The following TMEM132C variants were observed in gnomAD, a reference collection of about 807,000 sequenced individuals.
The protein encoded by TMEM132C is protein phosphatase 1, regulatory subunit 152.
Under a neutral mutation model 61.4 loss-of-function variants are expected in TMEM132C, and 29 were observed. The ratio of observed to expected loss-of-function variants is 0.47; its 90% confidence interval spans 0.35 to 0.64. The LOEUF is 0.64. Among genes scored for constraint, TMEM132C ranks in the 30% least tolerant of loss-of-function variants. The pLI is 0.00. For missense variants in TMEM132C, 1,408 were observed against 1,476.9 expected (o/e 0.95, Z 0.76); for synonymous variants, 656 against 633.1 (o/e 1.04, Z -0.54).
At chr12:128,603,936 G>T (rs907445348) in intron 3 of TMEM132C, among the ~76,000 whole-genome samples, 2 of 152,206 alleles carry the variant, frequency 1.3e-5, no homozygotes, top group African/African-American at 4.8e-5. Flanking sequence ...AACCCCACTT[G>T]TGGTTGGGCC....
At chr12:128,624,883 C>T (rs574842049) in intron 4 of TMEM132C, among the ~76,000 whole-genome samples, 109 of 152,128 alleles carry the variant, frequency 7.2e-4, no homozygotes, top group Non-Finnish European at 1.3e-3. Flanking sequence ...CATAGAGCCC[C>T]GTAAACCCAG....
intron 2 of TMEM132C, among the ~76,000 whole-genome samples, chr12:128,532,685 G>C (rs998063265): frequency 2.2e-5 from 3 of 138,824 alleles, no homozygotes; most frequent in Admixed American, 1.5e-4. Context: ...AGCCAAATTA[G>C]AGAAACATAT....
intron 8 of TMEM132C, 93 bp downstream of exon 8, chr12:128,697,508 A>C: frequency 7.7e-7 from 1 of 1,291,392 alleles, no homozygotes; most frequent in African/African-American, 1.5e-5. Context: ...AAATGGGGGC[A>C]GGTTAGCAGA....
rs192447552 is a variant in TMEM132C at position 128,577,623 on chromosome 12, C to T, written c.1121+33520C>T. ...CATCAAGGGATTGAACTGTGCCTCT[C>T]GCCACCGGTGCACTCTGCTTTTATT... is the stretch of plus-strand genomic sequence containing the variant. On this transcript the variant is annotated intron_variant, in intron 3 of 8. Coordinates refer to ENST00000435159, the MANE Select transcript of TMEM132C (RefSeq NM_001136103.3). Among the ~76,000 whole-genome samples the T allele has an allele frequency of 4.6e-5, 7 of 152,346 alleles. No homozygotes were observed. The East Asian group carries it at 1.2e-3, about 25-fold the overall frequency.
chr12:128,554,760 C>T (rs752324351), intron 3 of TMEM132C, among the ~76,000 whole-genome samples: 3 of 152,180 alleles, frequency 2.0e-5, no homozygotes, highest in African/African-American at 4.8e-5. Flanking sequence ...CAGAGCACAT[C>T]GCACAGACGC....
chr12:128,329,204 C>T (rs1046662426), intron 1 of TMEM132C, among the ~76,000 whole-genome samples: 16 of 152,236 alleles, frequency 1.1e-4, no homozygotes, highest in Admixed American at 1.3e-4. Flanking sequence ...TCTTAAAGAC[C>T]GCAATACGGT....
rs1875394362 is a variant in TMEM132C, at chr12:128,582,789, A to G, written c.1122-33363A>G. On this transcript the variant is annotated intron_variant, in intron 3 of 8. Transcript: ENST00000435159. Reference sequence around the variant, plus strand: ...TCCCAGTCTCAGGTATGTCTTTATCAGCAGCATGAAAACAGACTGATATAC... The same window carrying G: ...TCCCAGTCTCAGGTATGTCTTTATCGGCAGCATGAAAACAGACTGATATAC... 2.6e-5 allele frequency among the ~76,000 whole-genome samples: 4 copies of G among 152,164 alleles called. No homozygotes were observed. The South Asian group carries it at 8.3e-4, about 32-fold the overall frequency.
intron 1 of TMEM132C, among the ~76,000 whole-genome samples, chr12:128,336,292 A>G (rs534038264): frequency 7.2e-4 from 110 of 152,352 alleles, no homozygotes; most frequent in African/African-American, 2.5e-3. Flanking sequence ...GCGTATATAA[A>G]GAGATGCTTT....
At chr12:128,501,399 A>T (rs948287564) in intron 2 of TMEM132C, among the ~76,000 whole-genome samples, 1 of 152,202 alleles carries the variant, frequency 6.6e-6, no homozygotes, top group Non-Finnish European at 1.5e-5. Context: ...CTGCATCCCT[A>T]TGTGACTCAG....
At position 128,480,577 on chromosome 12, in the gene TMEM132C, C is replaced by T. The variant is rs555944334; in HGVS notation, c.975-63380C>T. 1.5e-3 allele frequency among the ~76,000 whole-genome samples: 227 copies of T among 152,304 alleles called. 1 individual carries two copies. Among genetic ancestry groups the T allele is most frequent in the African/African-American group, 4.8e-3 (201 of 41,570 alleles). Reference sequence around the variant, plus strand: ...TCTGAGGCTGCAGTCCCCGTTGCTGCAGCACCCCGGGGCCTTCTTGTGGCT... The same window carrying T: ...TCTGAGGCTGCAGTCCCCGTTGCTGTAGCACCCCGGGGCCTTCTTGTGGCT... On this transcript the variant is annotated intron_variant, in intron 2 of 8. Coordinates refer to ENST00000435159, the MANE Select transcript of TMEM132C (RefSeq NM_001136103.3).
intron 2 of TMEM132C, among the ~76,000 whole-genome samples, chr12:128,470,096 C>T (rs1473565101): frequency 2.6e-5 from 4 of 152,188 alleles, no homozygotes; most frequent in Admixed American, 2.6e-4. Flanking sequence ...TTGAACACCA[C>T]TGATTTGAAG....
At chr12:128,455,983 CT>C (rs1160819084) in intron 2 of TMEM132C, among the ~76,000 whole-genome samples, 1 of 152,218 alleles carries the variant, frequency 6.6e-6, no homozygotes, top group Admixed American at 6.5e-5. Context: ...ACTCTGGAAG[CT>C]CACGTTTCTA....
At chr12:128,625,200 T>C (rs1208423956) in intron 4 of TMEM132C, among the ~76,000 whole-genome samples, 1 of 152,214 alleles carries the variant, frequency 6.6e-6, no homozygotes, top group African/African-American at 2.4e-5. Context: ...TCATAGTCCA[T>C]TCCAGCTGCT....
chr12:128,629,582 GGGGAGTTAT>G (rs1263561482), intron 4 of TMEM132C, among the ~76,000 whole-genome samples: 1 of 152,200 alleles, frequency 6.6e-6, no homozygotes, highest in Non-Finnish European at 1.5e-5. Context: ...AAGGGGAGAT[GGGGAGTTAT>G]GAATCGAGGG....
chr12:128,551,071 C>T (rs867284867), intron 3 of TMEM132C, among the ~76,000 whole-genome samples: 1 of 152,202 alleles, frequency 6.6e-6, no homozygotes, highest in Admixed American at 6.5e-5. Flanking sequence ...CTATTTCCCT[C>T]TCCCCTTCTC....
At chr12:128,449,534 A>G (rs886243243) in intron 2 of TMEM132C, among the ~76,000 whole-genome samples, 1 of 152,208 alleles carries the variant, frequency 6.6e-6, no homozygotes, top group Non-Finnish European at 1.5e-5. Flanking sequence ...TGACTTCTCC[A>G]TTTGGACTGA....
chr12:128,613,136 A>G (rs1326060910), intron 3 of TMEM132C, among the ~76,000 whole-genome samples: 1 of 152,206 alleles, frequency 6.6e-6, no homozygotes, highest in East Asian at 1.9e-4. Context: ...GTCTTTGGAC[A>G]TTTGGATGGT....
chr12:128,478,857 G>A (rs1415956241), intron 2 of TMEM132C, among the ~76,000 whole-genome samples: 1 of 152,176 alleles, frequency 6.6e-6, no homozygotes, highest in Non-Finnish European at 1.5e-5. Context: ...TCATGGTTGG[G>A]GGCCAGTATG....
intron 1 of TMEM132C, among the ~76,000 whole-genome samples, chr12:128,402,001 G>T (rs1457239665): frequency 6.6e-6 from 1 of 152,154 alleles, no homozygotes; most frequent in African/African-American, 2.4e-5. Context: ...CTCTTGAGAT[G>T]GGGGGACTAT....
Sources: gnomAD v4.1 joint callset for allele counts (sites outside exome capture counted in the v4.1 genomes callset) on GRCh38, gnomAD v4.1.1 for gene constraint, MANE v1.5 for transcripts, NCBI Gene and HGNC (gene_info 2026-07-23, HGNC 2026-07-21) for gene names.